RP1: variants seen among roughly 807,000 people sequenced by gnomAD.
RP1 encodes RP1 axonemal microtubule associated.
In RP1, 16 loss-of-function variants were observed where a neutral mutation model predicts 14.8. The observed-to-expected ratio is 1.08, with a 90% CI of 0.73 to 1.65. The LOEUF is 1.65. Ranked by LOEUF, RP1 falls within the 40% of genes most tolerant of loss-of-function variation. The pLI is 0.00. For synonymous variants in RP1, 876 were observed against 883.6 expected (o/e 0.99, Z 0.15); for missense variants, 2,631 against 2,535.0 (o/e 1.04, Z -0.81).
intron 25 of RP1, among the ~76,000 whole-genome samples, chr8:54,851,259 A>G (rs1812055310): frequency 6.6e-6 from 1 of 152,196 alleles, no homozygotes; most frequent in Admixed American, 6.5e-5. Context: ...TGTGCTGTCA[A>G]TATGGAGTTT....
At chr8:54,631,652 A>G (rs1023893590), downstream of RP1, among the ~76,000 whole-genome samples, 2 of 151,610 alleles carry the variant, frequency 1.3e-5, no homozygotes, top group Non-Finnish European at 2.9e-5. Context: ...GTGCTTGAAA[A>G]TCAATGCTCT....
Position 54,741,705 on chromosome 8 carries a change from GTGTATATATATATATATATA to G in RP1, c.2808+2678_2808+2697del, listed in dbSNP as rs1234593499. The stretch of plus-strand genomic sequence containing the variant: ...TATGTACATATAAATACAAATGTGT[GTGTATATATATATATATATA>G]TATATATATATATATATATATATAT... On this transcript the variant is annotated intron_variant, in intron 19 of 22. Transcript: ENST00000636932. Among the ~76,000 whole-genome samples the G allele has an allele frequency of 2.6e-3, 199 of 75,900 alleles. 2 individuals are homozygous for G. The highest frequency in any genetic ancestry group is 0.011 in the African/African-American group (194 of 16,944). 49.8% of individuals were successfully genotyped at this position (75,900 alleles called of 152,430 possible).
At chr8:54,663,985 C>A (rs751696441) in intron 7 of RP1, 40 of 849,010 alleles carry the variant, frequency 4.7e-5, no homozygotes, top group Non-Finnish European at 6.1e-5. Flanking sequence ...CATTTCTGTG[C>A]AACAGATCAT....
intron 1 of RP1, chr8:54,562,001 A>T (rs1328307399): frequency 6.6e-6 from 1 of 152,228 alleles, no homozygotes; most frequent in African/African-American, 2.4e-5. Context: ...GCCACTTATC[A>T]CAACAAAGTA....
intron 19 of RP1, among the ~76,000 whole-genome samples, chr8:54,748,188 T>TA (rs903299985): frequency 6.6e-6 from 1 of 152,242 alleles, no homozygotes; most frequent in Non-Finnish European, 1.5e-5. Context: ...TTTGAAGTTT[T>TA]AAAGTATCTC....
At chr8:54,706,072 TAG>T (rs1808143787) in intron 14 of RP1, among the ~76,000 whole-genome samples, 1 of 152,182 alleles carries the variant, frequency 6.6e-6, no homozygotes, top group Non-Finnish European at 1.5e-5. Context: ...TAAATATCCA[TAG>T]AGAGTATTCC....
intron 16 of RP1, among the ~76,000 whole-genome samples, chr8:54,724,227 G>T (rs1808598941): frequency 6.6e-6 from 1 of 152,170 alleles, no homozygotes; most frequent in Non-Finnish European, 1.5e-5. Flanking sequence ...ATATGTTTCA[G>T]ATGATAAAAT....
chr8:54,857,849 C>T (rs933095800), intron 27 of RP1, among the ~76,000 whole-genome samples: 2 of 152,162 alleles, frequency 1.3e-5, no homozygotes, highest in Non-Finnish European at 2.9e-5. Flanking sequence ...GTCAATTCCA[C>T]TTCATTCATA....
At chr8:54,641,697 A>G (rs1166192410) in intron 3 of RP1, among the ~76,000 whole-genome samples, 1 of 152,152 alleles carries the variant, frequency 6.6e-6, no homozygotes, top group Admixed American at 6.5e-5. Flanking sequence ...TAATTGATGC[A>G]AAAGAGGTAA....
intron 27 of RP1, among the ~76,000 whole-genome samples, chr8:54,862,235 C>A (rs1812357504): frequency 6.6e-6 from 1 of 152,186 alleles, no homozygotes. Context: ...CTAAGATAAA[C>A]TACTAGTTTC....
chr8:54,739,010 C>T, exon 19 of RP1: 1 of 1,530,772 alleles, frequency 6.5e-7, no homozygotes, highest in South Asian at 1.2e-5. Flanking sequence ...AGTGAGCAAC[C>T]CGAGTGGAAC....
chr8:54,602,414 A>G (rs1805314745), intron 1 of RP1, among the ~76,000 whole-genome samples: 1 of 151,988 alleles, frequency 6.6e-6, no homozygotes, highest in Non-Finnish European at 1.5e-5. Flanking sequence ...TATGTGCCAC[A>G]TTTTCTTGAT....
chr8:54,565,460 G>T (rs575791860), intron 1 of RP1, among the ~76,000 whole-genome samples: 1 of 152,306 alleles, frequency 6.6e-6, no homozygotes, highest in African/African-American at 2.4e-5. Flanking sequence ...ATGTACTCAG[G>T]AGGCGAAGGC....
exon 29 of RP1, chr8:54,870,202 A>G (rs1430045898): frequency 6.3e-6 from 2 of 315,608 alleles, no homozygotes; most frequent in Non-Finnish European, 1.1e-5. Flanking sequence ...CTCTTCCTTC[A>G]CCTTTTCTTT....
chr8:54,762,073 G>T (rs1809653194), intron 22 of RP1, among the ~76,000 whole-genome samples: 1 of 151,990 alleles, frequency 6.6e-6, no homozygotes, highest in Admixed American at 6.5e-5. Flanking sequence ...AGGAGCTGGA[G>T]TGGACAGTCC....
intron 24 of RP1, among the ~76,000 whole-genome samples, chr8:54,788,475 T>G (rs1344104921): frequency 6.6e-6 from 1 of 152,130 alleles, no homozygotes; most frequent in African/African-American, 2.4e-5. Flanking sequence ...CTTTCCTTTT[T>G]TTTTGTTTTT....
chr8:54,611,945 T>C (rs1002799691), upstream of RP1, among the ~76,000 whole-genome samples: 1 of 151,168 alleles, frequency 6.6e-6, no homozygotes, highest in African/African-American at 2.4e-5. Flanking sequence ...CTTTCTTTTT[T>C]ATTTGTACGG....
At chr8:54,722,156 T>C (rs1415020543) in intron 16 of RP1, among the ~76,000 whole-genome samples, 3 of 150,800 alleles carry the variant, frequency 2.0e-5, no homozygotes, top group Non-Finnish European at 4.4e-5. Flanking sequence ...CACTTGAACC[T>C]GTGAGGCGGA....
chr8:54,623,768 A>C (rs774822422), intron 3 of RP1, among the ~76,000 whole-genome samples: 3 of 152,242 alleles, frequency 2.0e-5, no homozygotes, highest in Non-Finnish European at 4.4e-5. Context: ...TTAGTACTTG[A>C]TTAATTCAGT....
Sources: gnomAD v4.1 joint callset for allele counts (sites outside exome capture counted in the v4.1 genomes callset) on GRCh38, gnomAD v4.1.1 for gene constraint, MANE v1.5 for transcripts, NCBI Gene and HGNC (gene_info 2026-07-23, HGNC 2026-07-21) for gene names.